The following HDAC9 variants were observed in gnomAD, a reference collection of about 807,000 sequenced individuals.
HDAC9 encodes MEF-2 interacting transcription repressor (MITR) protein.
A neutral mutation model predicts 139.4 loss-of-function variants in HDAC9; 41 were observed. The observed-to-expected ratio is 0.29, with a 90% CI of 0.23 to 0.38. HDAC9 has a LOEUF of 0.38. Ranked by LOEUF, HDAC9 falls within the 10% of genes least tolerant of loss-of-function variation. The pLI is 1.00. For missense variants in HDAC9, 1,147 were observed against 1,297.0 expected (o/e 0.88, Z 1.78); for synonymous variants, 517 against 476.2 (o/e 1.09, Z -1.12).
At chr7:18,169,084 T>C (rs1410466963) in intron 2 of HDAC9, among the ~76,000 whole-genome samples, 1 of 151,872 alleles carries the variant, frequency 6.6e-6, no homozygotes. Flanking sequence ...ATTACAGGCA[T>C]GTGGCACCAT....
chr7:18,343,395 C>T (rs2128664220), intron 1 of HDAC9, among the ~76,000 whole-genome samples: 1 of 151,868 alleles, frequency 6.6e-6, no homozygotes, highest in Non-Finnish European at 1.5e-5. Context: ...AAATTCTTAA[C>T]ACAGTTATAA....
At chr7:18,872,337 G>C (rs1371766620) in intron 21 of HDAC9, among the ~76,000 whole-genome samples, 1 of 152,090 alleles carries the variant, frequency 6.6e-6, no homozygotes, top group Non-Finnish European at 1.5e-5. Flanking sequence ...GACCTACGTA[G>C]CAAATGTGCA....
chr7:18,187,821 C>T (rs962440012), intron 2 of HDAC9, among the ~76,000 whole-genome samples: 1 of 152,110 alleles, frequency 6.6e-6, no homozygotes, highest in South Asian at 2.1e-4. Flanking sequence ...TTCCTACTGT[C>T]AAGGGTATAG....
intron 1 of HDAC9, among the ~76,000 whole-genome samples, chr7:18,161,046 T>C (rs1787596555): frequency 6.6e-6 from 1 of 152,242 alleles, no homozygotes; most frequent in African/African-American, 2.4e-5. Context: ...ACTGTTCAGA[T>C]GATGTTAATA....
chr7:18,343,671 C>G (rs1782185354), intron 1 of HDAC9, among the ~76,000 whole-genome samples: 1 of 151,726 alleles, frequency 6.6e-6, no homozygotes, highest in Non-Finnish European at 1.5e-5. Flanking sequence ...AAATTTCTAC[C>G]TTGGATCTAA....
chr7:18,866,797 T>C (rs1798533050), intron 21 of HDAC9, among the ~76,000 whole-genome samples: 1 of 152,172 alleles, frequency 6.6e-6, no homozygotes, highest in Non-Finnish European at 1.5e-5. Context: ...AATGAGTGGG[T>C]AGCGTCTTAT....
intron 1 of HDAC9, among the ~76,000 whole-genome samples, chr7:18,451,499 G>A (rs536704157): frequency 7.9e-5 from 12 of 151,174 alleles, no homozygotes; most frequent in Non-Finnish European, 1.8e-4. Context: ...GATTACATTA[G>A]ATAGATATGC....
At chr7:18,087,855 G>A (rs1781893021) in intron 1 of HDAC9, 1 of 152,468 alleles carries the variant, frequency 6.6e-6, no homozygotes. Context: ...CGTTTGTTTG[G>A]CTTTGAAGCC....
intron 16 of HDAC9, among the ~76,000 whole-genome samples, chr7:18,781,124 CTCTT>C (rs1791212189): frequency 6.6e-6 from 1 of 152,006 alleles, no homozygotes; most frequent in Admixed American, 6.6e-5. Context: ...TCCCTGCTGT[CTCTT>C]TCTTTTCTTA....
chr7:18,628,007 A>G (rs567784615), intron 6 of HDAC9, among the ~76,000 whole-genome samples: 7 of 152,196 alleles, frequency 4.6e-5, no homozygotes, highest in African/African-American at 1.4e-4. Flanking sequence ...CAACAAAAAA[A>G]GTGGAGAAGA....
At chr7:18,706,231 C>T (rs1236572799) in intron 12 of HDAC9, among the ~76,000 whole-genome samples, 2 of 115,956 alleles carry the variant, frequency 1.7e-5, no homozygotes, top group African/African-American at 6.6e-5. Flanking sequence ...CAAACCTAAA[C>T]ATTTCATTTG....
At chr7:18,920,517 C>A (rs1803604279) in intron 22 of HDAC9, among the ~76,000 whole-genome samples, 1 of 152,116 alleles carries the variant, frequency 6.6e-6, no homozygotes, top group Admixed American at 6.6e-5. Flanking sequence ...CTGACCAGAA[C>A]TTCCAACACT....
chr7:18,758,851 C>A (rs796304299), intron 14 of HDAC9, among the ~76,000 whole-genome samples: 1 of 151,402 alleles, frequency 6.6e-6, no homozygotes, highest in African/African-American at 2.4e-5. Context: ...AACATGTGCA[C>A]TATGTTTGTG....
At chr7:18,162,256 C>T in exon 2 of HDAC9, 1 of 1,418,220 alleles carries the variant, frequency 7.1e-7, no homozygotes, top group South Asian at 1.2e-5. Context: ...CCCTCCTGGA[C>T]CATTGTCAGC....
At chr7:18,612,714 T>G (rs1837503953) in intron 6 of HDAC9, among the ~76,000 whole-genome samples, 1 of 152,068 alleles carries the variant, frequency 6.6e-6, no homozygotes, top group South Asian at 2.1e-4. Context: ...CCAGATATAG[T>G]GTTGAGTAAA....
intron 1 of HDAC9, among the ~76,000 whole-genome samples, chr7:18,397,801 A>T (rs993172983): frequency 6.6e-6 from 1 of 152,176 alleles, no homozygotes; most frequent in African/African-American, 2.4e-5. Context: ...GAAATTCCAC[A>T]TTCCTGAGTG....
At chr7:18,273,920 A>C (rs1296963942) in intron 2 of HDAC9, among the ~76,000 whole-genome samples, 1 of 152,202 alleles carries the variant, frequency 6.6e-6, no homozygotes, top group Non-Finnish European at 1.5e-5. Context: ...CAAAATTGTG[A>C]AGTTCAATGT....
chr7:18,523,895 C>T (rs1412560964), intron 2 of HDAC9, among the ~76,000 whole-genome samples: 2 of 150,980 alleles, frequency 1.3e-5, no homozygotes, highest in African/African-American at 2.4e-5. Context: ...CGCCCTCCCC[C>T]ACCTCCCCCT....
chr7:18,528,930 G>A (rs1384600907), intron 2 of HDAC9, among the ~76,000 whole-genome samples: 3 of 152,054 alleles, frequency 2.0e-5, no homozygotes, highest in Non-Finnish European at 2.9e-5. Flanking sequence ...AAAAACATGA[G>A]ATAAAATGGC....
Sources: allele counts gnomAD v4.1 joint callset (sites outside exome capture counted in the v4.1 genomes callset), GRCh38; gene constraint gnomAD v4.1.1; transcripts MANE v1.5; gene names NCBI Gene and HGNC (gene_info 2026-07-23, HGNC 2026-07-21).